KIRREL3: variants seen among roughly 807,000 people sequenced by gnomAD.
The protein encoded by KIRREL3 is kirre like nephrin family adhesion molecule 3.
Under a neutral mutation model 89.7 loss-of-function variants are expected in KIRREL3, and 36 were observed. The ratio of observed to expected loss-of-function variants is 0.40; its 90% CI spans 0.31 to 0.53. The LOEUF (loss-of-function observed/expected upper bound fraction) is 0.53. KIRREL3 is among the 20% of genes least tolerant of loss of function. The pLI, the probability that KIRREL3 is intolerant of heterozygous loss-of-function variation, is 0.49. For missense variants in KIRREL3, 864 were observed against 1,056.6 expected (o/e 0.82, Z 2.53); for synonymous variants, 445 against 441.4 (o/e 1.01, Z -0.10).
chr11:126,685,302 G>A lies in KIRREL3; in HGVS notation c.56-122390C>T, dbSNP rs1288944375. 2.0e-5 allele frequency among the ~76,000 whole-genome samples: 3 copies of A among 152,144 alleles called. No homozygotes were observed. The highest frequency in any genetic ancestry group is 7.2e-5 in the African/African-American group (3 of 41,434). ...GAGCAACAAAACATAGTCACACAGGGCCTGCCTCACACCCAGCACTGGGTG... is the reference window on the plus strand; with the variant it reads ...GAGCAACAAAACATAGTCACACAGGACCTGCCTCACACCCAGCACTGGGTG... On this transcript the variant is annotated intron_variant, in intron 1 of 16. Transcript: ENST00000525144. This position sits in a 1 kb window ranked among gnomAD's most constrained non-coding sequence, Gnocchi z 5.5.
At position 126,768,152 on chromosome 11, in the gene KIRREL3, C is replaced by CCATCCATA. The variant is rs1949894462; in HGVS notation, c.56-205241_56-205240insTATGGATG. Among the ~76,000 whole-genome samples the CCATCCATA allele has an allele frequency of 7.7e-6, 1 of 130,694 alleles. No individual in the cohort carries two copies. The highest frequency in any genetic ancestry group is 8.2e-5 in the Admixed American group (1 of 12,250). The allele number at this position is 130,694 out of a possible 152,430, so 85.7% of individuals were successfully genotyped here. On this transcript the variant is annotated intron_variant, in intron 1 of 16. Coordinates refer to ENST00000525144, the MANE Select transcript of KIRREL3 (RefSeq NM_032531.4). The surrounding 1 kb of genome is among the most constrained non-coding windows in gnomAD (Gnocchi z 4.5). ...TCCATCTATCCATCCATCCATCCAT[C>CCATCCATA]CATCCATCCATCCATCCAATCCATC... is the stretch of plus-strand genomic sequence containing the variant.
At chr11:126,543,528 C>T (rs1938537752) in intron 2 of KIRREL3, among the ~76,000 whole-genome samples, 1 of 152,074 alleles carries the variant, frequency 6.6e-6, no homozygotes, top group Admixed American at 6.5e-5. Flanking sequence ...CTTTTTTTCC[C>T]CCAACAGTAG....
chr11:126,440,570 A>G (rs772035079), intron 10 of KIRREL3, 21 bp from the exon 11 acceptor site: 2 of 1,575,046 alleles, frequency 1.3e-6, no homozygotes, highest in Non-Finnish European at 1.7e-6. Context: ...ACAGCGTCCC[A>G]TTAGGCACCC....
rs991176498 is a variant in KIRREL3, at chr11:126,768,886, C to T, written c.56-205974G>A. Among the ~76,000 whole-genome samples the T allele has an allele frequency of 6.6e-6, 1 of 152,262 alleles. No homozygotes were observed. Among genetic ancestry groups the T allele is most frequent in the South Asian group, 2.1e-4 (1 of 4,812 alleles). ...GAGCACGAGAGCCATGGCAAGAAGG[C>T]GATGTTGCTTCCCACATGCGTGGGA... On this transcript the variant is annotated intron_variant, in intron 1 of 16. Coordinates refer to ENST00000525144, the MANE Select transcript of KIRREL3 (RefSeq NM_032531.4). This position sits in a 1 kb window ranked among gnomAD's most constrained non-coding sequence, Gnocchi z 4.5.
intron 1 of KIRREL3, among the ~76,000 whole-genome samples, chr11:126,827,310 T>C (rs1943451358): frequency 1.3e-5 from 2 of 152,202 alleles, no homozygotes; most frequent in Middle Eastern, 6.8e-3. Context: ...CCCGAGTAGC[T>C]GGGGCTACAG....
At chr11:126,506,035 T>C (rs1474661094) in intron 4 of KIRREL3, among the ~76,000 whole-genome samples, 2 of 152,216 alleles carry the variant, frequency 1.3e-5, no homozygotes, top group Non-Finnish European at 2.9e-5. Context: ...GATAGTCTTT[T>C]TAAACAAATG....
At chr11:126,818,178 C>G (rs912485267) in intron 1 of KIRREL3, among the ~76,000 whole-genome samples, 1 of 152,188 alleles carries the variant, frequency 6.6e-6, no homozygotes, top group Non-Finnish European at 1.5e-5. Flanking sequence ...ACAGCCAGGA[C>G]AGAAGCCAGC....
chr11:126,990,313 C>T lies in KIRREL3; in HGVS notation c.55+10142G>A, dbSNP rs1435141616. ...CTGCTGCCACCCTTCATCCGGATCCCCTCAAACACTCCACCCTCACACCCT... is the reference window on the plus strand; with the variant it reads ...CTGCTGCCACCCTTCATCCGGATCCTCTCAAACACTCCACCCTCACACCCT... On this transcript the variant is annotated intron_variant, in intron 1 of 16. Transcript: ENST00000525144. The surrounding 1 kb of genome is among the most constrained non-coding windows in gnomAD (Gnocchi z 6.3). Among the ~76,000 whole-genome samples, 1 of 152,124 alleles carries T rather than the reference C, an allele frequency of 6.6e-6. No homozygotes were observed. Among genetic ancestry groups the T allele is most frequent in the Non-Finnish European group, 1.5e-5 (1 of 68,028 alleles).
rs916963321 is a variant in KIRREL3 at position 126,563,498 on chromosome 11, C to T, written c.56-586G>A. Among the ~76,000 whole-genome samples the T allele has an allele frequency of 6.6e-6, 1 of 152,056 alleles. No individual in the cohort carries two copies. The highest frequency in any genetic ancestry group is 1.5e-5 in the Non-Finnish European group (1 of 68,012). On this transcript the variant is annotated intron_variant, in intron 1 of 16. Transcript: ENST00000525144. The surrounding 1 kb of genome is among the most constrained non-coding windows in gnomAD (Gnocchi z 6.8). ...CTCTCTCTACCTTTTGGAGAGGGTG[C>T]GTTTCTGGTGCTAGAGATTCCTGTG... is the stretch of plus-strand genomic sequence containing the variant.
intron 1 of KIRREL3, among the ~76,000 whole-genome samples, chr11:126,693,153 T>C (rs1946945102): frequency 6.6e-6 from 1 of 152,238 alleles, no homozygotes; most frequent in Non-Finnish European, 1.5e-5. Flanking sequence ...GCACTGTGGC[T>C]CACGCCTGTA....
Position 126,476,075 on chromosome 11 carries a change from G to T in KIRREL3, c.434-2609C>A, listed in dbSNP as rs1321942881. Among the ~76,000 whole-genome samples, 1 of 152,214 alleles carries T rather than the reference G, an allele frequency of 6.6e-6. No homozygotes were observed. The highest frequency in any genetic ancestry group is 1.5e-5 in the Non-Finnish European group (1 of 68,026). The stretch of plus-strand genomic sequence containing the variant: ...TGGAGCAGGAAGCCCCTTCTCTCAG[G>T]GTGGCTTCAGGTGCAAACGTGAGAG... On this transcript the variant is annotated intron_variant, in intron 4 of 16. Transcript: ENST00000525144. This position sits in a 1 kb window ranked among gnomAD's most constrained non-coding sequence, Gnocchi z 6.4.
Position 126,977,131 on chromosome 11 carries a change from C to A in KIRREL3, c.55+23324G>T, listed in dbSNP as rs770443504. Among the ~76,000 whole-genome samples the A allele has an allele frequency of 6.6e-6, 1 of 152,176 alleles. No homozygotes were observed. The highest frequency in any genetic ancestry group is 1.5e-5 in the Non-Finnish European group (1 of 68,038). Reference sequence around the variant, plus strand: ...TTTTTTCTTTTTCTGCAGGCTTCAGCTCCTTCTGGGTCTTAGTGTCACTTG... The same window carrying A: ...TTTTTTCTTTTTCTGCAGGCTTCAGATCCTTCTGGGTCTTAGTGTCACTTG... On this transcript the variant is annotated intron_variant, in intron 1 of 16. Transcript: ENST00000525144. This position sits in a 1 kb window ranked among gnomAD's most constrained non-coding sequence, Gnocchi z 4.7.
intron 4 of KIRREL3, among the ~76,000 whole-genome samples, chr11:126,514,083 G>T (rs1165210776): frequency 2.0e-5 from 3 of 152,126 alleles, no homozygotes; most frequent in African/African-American, 7.2e-5. Context: ...GGTAGTCTGG[G>T]CTACCAGGAA....
chr11:126,720,702 G>A (rs1024224639), intron 1 of KIRREL3, among the ~76,000 whole-genome samples: 1 of 152,238 alleles, frequency 6.6e-6, no homozygotes, highest in Non-Finnish European at 1.5e-5. Context: ...GCAGGCACAA[G>A]CCAAGACTGT....
chr11:126,578,885 AC>A lies in KIRREL3; in HGVS notation c.56-15974del, dbSNP rs1344730581. Among the ~76,000 whole-genome samples, 1 of 152,068 alleles carries A rather than the reference AC, an allele frequency of 6.6e-6. No homozygotes were observed. The highest frequency in any genetic ancestry group is 1.5e-5 in the Non-Finnish European group (1 of 68,000). On this transcript the variant is annotated intron_variant, in intron 1 of 16. Coordinates refer to ENST00000525144, the MANE Select transcript of KIRREL3 (RefSeq NM_032531.4). This position sits in a 1 kb window ranked among gnomAD's most constrained non-coding sequence, Gnocchi z 4.9. ...ATTGACCATCTGTCAGCAAGTATCT[AC>A]CCTGCAAAATACTTTTCACACACTC... is the stretch of plus-strand genomic sequence containing the variant.
rs909888751 is a variant in KIRREL3 at position 126,837,834 on chromosome 11, T to C, written c.55+162621A>G. On this transcript the variant is annotated intron_variant, in intron 1 of 16. Transcript: ENST00000525144. The surrounding 1 kb of genome is among the most constrained non-coding windows in gnomAD (Gnocchi z 4.7). The stretch of plus-strand genomic sequence containing the variant: ...CAACTTGCTATCCATTTCTAGCAGC[T>C]CGCAGTCTATGTCCAGGCATACATC... Among the ~76,000 whole-genome samples, 1 of 152,336 alleles carries C rather than the reference T, an allele frequency of 6.6e-6. No homozygotes were observed. The highest frequency in any genetic ancestry group is 6.5e-5 in the Admixed American group (1 of 15,300).
rs1949775059 is a variant in KIRREL3 at position 126,983,667 on chromosome 11, G to GAAATTGAT, written c.55+16780_55+16787dup. Among the ~76,000 whole-genome samples, 1 of 152,160 alleles carries GAAATTGAT rather than the reference G, an allele frequency of 6.6e-6. No homozygotes were observed. Among genetic ancestry groups the GAAATTGAT allele is most frequent in the Non-Finnish European group, 1.5e-5 (1 of 68,034 alleles). The stretch of plus-strand genomic sequence containing the variant: ...GCCTCTAGAAGCCAGAAAAGGCCAA[G>GAAATTGAT]AAATTGATTTTCCCTATAGCCTCCA... On this transcript the variant is annotated intron_variant, in intron 1 of 16. Coordinates refer to ENST00000525144, the MANE Select transcript of KIRREL3 (RefSeq NM_032531.4). The surrounding 1 kb of genome is among the most constrained non-coding windows in gnomAD (Gnocchi z 4.9).
rs1951183677 is a variant in KIRREL3 at position 126,805,717 on chromosome 11, GA to G, written c.55+194737del. Among the ~76,000 whole-genome samples the G allele has an allele frequency of 6.6e-6, 1 of 152,174 alleles. No homozygotes were observed. On this transcript the variant is annotated intron_variant, in intron 1 of 16. Coordinates refer to ENST00000525144, the MANE Select transcript of KIRREL3 (RefSeq NM_032531.4). The surrounding 1 kb of genome is among the most constrained non-coding windows in gnomAD (Gnocchi z 4.3). ...CTACTATGTATGTAAATGAAAGAAA[GA>G]AAAGGGAAGGACAGGGAGAGGGAGG...
chr11:126,542,067 A>G (rs1015596310), intron 2 of KIRREL3, among the ~76,000 whole-genome samples: 1 of 152,200 alleles, frequency 6.6e-6, no homozygotes, highest in Non-Finnish European at 1.5e-5. Context: ...GGCCCTGTGC[A>G]GTTTTGATGC....
Sources: allele counts gnomAD v4.1 joint callset (sites outside exome capture counted in the v4.1 genomes callset), GRCh38; gene constraint gnomAD v4.1.1; non-coding constraint Gnocchi (gnomAD v3.1); transcripts MANE v1.5; gene names NCBI Gene and HGNC (gene_info 2026-07-23, HGNC 2026-07-21).